The following RSPO2 variants were observed in gnomAD, a reference collection of about 807,000 sequenced individuals.
The protein encoded by RSPO2 is R-spondin 2, also known as R-spondin-2.
RSPO2 carries 14 observed loss-of-function variants against 30.9 expected under a neutral mutation model. That is an observed-to-expected ratio of 0.45 (90% CI 0.30 to 0.71). The LOEUF is 0.71. RSPO2 is among the 30% of genes least tolerant of loss of function. The pLI, the probability that RSPO2 is intolerant of heterozygous loss-of-function variation, is 0.08. For synonymous variants in RSPO2, 107 were observed against 96.4 expected (o/e 1.11, Z -0.64); for missense variants, 264 against 301.9 (o/e 0.87, Z 0.93).
intron 2 of RSPO2, among the ~76,000 whole-genome samples, chr8:108,018,481 T>C (rs1344918533): frequency 6.6e-6 from 1 of 152,198 alleles, no homozygotes. Flanking sequence ...AGTACTTTCC[T>C]ACATAAGAGA....
intron 2 of RSPO2, among the ~76,000 whole-genome samples, chr8:108,023,422 C>T (rs148193663): frequency 6.6e-6 from 1 of 152,140 alleles, no homozygotes; most frequent in Admixed American, 6.6e-5. Context: ...GTCAAGGAAA[C>T]CCGAGTTCAA....
chr8:107,919,083 G>A (rs1302188128), intron 5 of RSPO2, among the ~76,000 whole-genome samples: 1 of 152,090 alleles, frequency 6.6e-6, no homozygotes, highest in Non-Finnish European at 1.5e-5. Context: ...ACCCCAGCCA[G>A]GCCTGCATGG....
chr8:107,903,694 A>C (rs1282965247), intron 5 of RSPO2, among the ~76,000 whole-genome samples: 1 of 152,086 alleles, frequency 6.6e-6, no homozygotes. Context: ...TCCAACAAGC[A>C]ATGTTTGGGG....
intron 2 of RSPO2, among the ~76,000 whole-genome samples, chr8:108,058,149 A>G (rs548849224): frequency 3.3e-5 from 5 of 152,150 alleles, no homozygotes; most frequent in South Asian, 4.2e-4. Context: ...CATCCCATCA[A>G]TACCTAATAT....
intron 5 of RSPO2, among the ~76,000 whole-genome samples, chr8:107,925,659 G>T (rs1181196217): frequency 6.6e-6 from 1 of 151,896 alleles, no homozygotes; most frequent in Admixed American, 6.6e-5. Flanking sequence ...GTGGTGTTTG[G>T]TTTTTTGTCC....
At chr8:108,061,452 T>C (rs1324799708) in intron 2 of RSPO2, among the ~76,000 whole-genome samples, 1 of 151,754 alleles carries the variant, frequency 6.6e-6, no homozygotes, top group East Asian at 1.9e-4. Context: ...CATTACATCA[T>C]GGTAAAGGGA....
intron 5 of RSPO2, among the ~76,000 whole-genome samples, chr8:107,951,679 G>C (rs1215516269): frequency 6.6e-6 from 1 of 152,042 alleles, no homozygotes; most frequent in East Asian, 1.9e-4. Flanking sequence ...ATTCCAGATG[G>C]GAAGCTGTAG....
intron 2 of RSPO2, among the ~76,000 whole-genome samples, chr8:107,999,970 T>C (rs943686092): frequency 6.6e-6 from 1 of 151,934 alleles, no homozygotes; most frequent in African/African-American, 2.4e-5. Context: ...ACTGGAAAAA[T>C]ATATGTATTT....
chr8:107,940,212 G>T (rs1324970904), intron 5 of RSPO2, among the ~76,000 whole-genome samples: 1 of 152,040 alleles, frequency 6.6e-6, no homozygotes, highest in Admixed American at 6.6e-5. Context: ...CTCAGAGGTG[G>T]TCATTTCTGC....
At chr8:108,079,570 A>G (rs1232122745) in intron 2 of RSPO2, among the ~76,000 whole-genome samples, 1 of 152,202 alleles carries the variant, frequency 6.6e-6, no homozygotes, top group Non-Finnish European at 1.5e-5. Context: ...ATCTCTGCCA[A>G]GAATTTTATT....
At chr8:107,944,657 A>C (rs1812998278) in intron 5 of RSPO2, among the ~76,000 whole-genome samples, 1 of 152,228 alleles carries the variant, frequency 6.6e-6, no homozygotes, top group African/African-American at 2.4e-5. Flanking sequence ...AAAGTGCTCT[A>C]GGTTTAACAT....
At chr8:108,065,922 C>T (rs1041655682) in intron 2 of RSPO2, among the ~76,000 whole-genome samples, 6 of 152,132 alleles carry the variant, frequency 3.9e-5, no homozygotes, top group African/African-American at 1.4e-4. Flanking sequence ...CCTGTAATCC[C>T]AGCTTCTTGG....
rs747919315 is a variant in RSPO2, at chr8:107,989,185, A to G, written c.154T>C (p.Cys52Arg). 1 of 1,609,824 alleles carries G rather than the reference A, an allele frequency of 6.2e-7. No homozygotes were observed. The highest frequency in any genetic ancestry group is 1.7e-5 in the Admixed American group (1 of 58,924). The change falls in exon 3 of 6, where the codon TGT becomes CGT. Residue 52 changes from cysteine to arginine, a missense_variant. Physicochemically the swap from Cys to Arg is radical, Grantham distance 180 (BLOSUM62 -3). Coordinates refer to ENST00000276659, the MANE Select transcript of RSPO2 (RefSeq NM_178565.5). ...AACAACTTCTGTTGACATCGGCTAC[A>G]CCCATTGTCCTTTGAACAAGACAAA... ...GCLSCSKDNG[C>R]SRCQQKLFFF...
At chr8:107,917,286 A>C (rs2130295802) in intron 5 of RSPO2, among the ~76,000 whole-genome samples, 1 of 152,140 alleles carries the variant, frequency 6.6e-6, no homozygotes, top group Non-Finnish European at 1.5e-5. Context: ...GGAGTTTGAG[A>C]CCAGGTTGGC....
intron 3 of RSPO2, among the ~76,000 whole-genome samples, chr8:107,965,540 T>A (rs1439362202): frequency 1.8e-4 from 27 of 152,106 alleles, no homozygotes; most frequent in Non-Finnish European, 2.4e-4. Context: ...GGGGTCCACG[T>A]GGCACTAACA....
intron 2 of RSPO2, among the ~76,000 whole-genome samples, chr8:108,052,574 C>A (rs1249629058): frequency 6.6e-6 from 1 of 152,058 alleles, no homozygotes; most frequent in Non-Finnish European, 1.5e-5. Context: ...TTATGGGAAG[C>A]AAATATAAGC....
intron 3 of RSPO2, among the ~76,000 whole-genome samples, chr8:107,961,351 C>G (rs1317086513): frequency 6.6e-6 from 1 of 152,106 alleles, no homozygotes; most frequent in African/African-American, 2.4e-5. Context: ...AAGTTTAGGT[C>G]ATTTTGTTGA....
In RSPO2 at chr8:107,906,160, T is replaced by A. The variant is rs551584017; in HGVS notation, c.617-4970A>T. ...AAGTAATAAAAAATATTCTTAACTT[T>A]TGACTCAGATCTAGGACTCTATCCC... is the stretch of plus-strand genomic sequence containing the variant. On this transcript the variant is annotated intron_variant, in intron 5 of 5. Transcript: ENST00000276659. 4.6e-5 allele frequency among the ~76,000 whole-genome samples: 7 copies of A among 151,942 alleles called. No homozygotes were observed. In the South Asian group the frequency reaches 6.2e-4, roughly 13 times the overall value.
intron 2 of RSPO2, among the ~76,000 whole-genome samples, chr8:108,029,090 T>G (rs1441645984): frequency 1.7e-5 from 2 of 118,084 alleles, no homozygotes; most frequent in African/African-American, 3.9e-5. Flanking sequence ...TTTTTTTTTT[T>G]TTGCCTAAAA....
Sources: gnomAD v4.1 joint callset for allele counts (sites outside exome capture counted in the v4.1 genomes callset) on GRCh38, gnomAD v4.1.1 for gene constraint, MANE v1.5 for transcripts, NCBI Gene and HGNC (gene_info 2026-07-23, HGNC 2026-07-21) for gene names.